Variants in TAMM41 observed in about 807,000 individuals in gnomAD.
TAMM41 encodes the protein TAM41 mitochondrial translocator assembly and maintenance homolog.
In TAMM41, 36 loss-of-function variants were observed where a neutral mutation model predicts 44.1. The observed-to-expected ratio is 0.82, with a 90% CI of 0.63 to 1.08. The LOEUF (loss-of-function observed/expected upper bound fraction) is 1.08, where lower values mean the gene tolerates loss of function less well. Among genes scored for constraint, TAMM41 ranks in the 50% least tolerant of loss-of-function variants. The pLI is 0.00. For synonymous variants in TAMM41, 164 were observed against 153.1 expected (o/e 1.07, Z -0.53); for missense variants, 417 against 404.3 (o/e 1.03, Z -0.27).
At chr3:11,730,428 A>G in the TAMM41 span, among the ~76,000 whole-genome samples, 7 of 149,914 alleles carry the variant, frequency 4.7e-5, no homozygotes, top group African/African-American at 7.4e-5. Flanking sequence ...AAAAAAAAAA[A>G]AAAAAGAAAA....
chr3:11,790,138 C>T (rs1383603965), downstream of TAMM41, among the ~76,000 whole-genome samples: 2 of 152,180 alleles, frequency 1.3e-5, no homozygotes, highest in South Asian at 2.1e-4. Context: ...AGAGACATAA[C>T]AAGCCAGGCA....
At chr3:11,769,208 G>C in the TAMM41 span, among the ~76,000 whole-genome samples, 1 of 152,194 alleles carries the variant, frequency 6.6e-6, no homozygotes, top group African/African-American at 2.4e-5. Flanking sequence ...TCCTGCGTCA[G>C]CCTCCTGAGT....
chr3:11,808,101 C>G lies in TAMM41; in HGVS notation c.875-206G>C, dbSNP rs948052251. The G allele has an allele frequency of 3.6e-6, 4 of 1,107,956 alleles. No individual in the cohort carries two copies. The Admixed American group carries it at 1.2e-4, about 34-fold the overall frequency. 68.6% of individuals were successfully genotyped at this position (1,107,956 alleles called of 1,614,324 possible). A position where few individuals can be genotyped will look rare whatever the true frequency, so the allele number is the denominator to read the frequency against. On this transcript the variant is annotated intron_variant, in intron 6 of 7. Coordinates refer to ENST00000455809, the MANE Select transcript of TAMM41 (RefSeq NM_001284401.2). ...CAGAGCAGCCAGCCGTGGCGCCACC[C>G]GGCTGTGTGAGTCCAAGCCGATGAC...
chr3:11,827,394 C>T (rs2078799673), intron 4 of TAMM41, among the ~76,000 whole-genome samples: 1 of 151,426 alleles, frequency 6.6e-6, no homozygotes, highest in African/African-American at 2.4e-5. Flanking sequence ...ACTGCAACCT[C>T]CACCTCGCCG....
At chr3:11,797,804 A>G (rs1200640388) in intron 7 of TAMM41, among the ~76,000 whole-genome samples, 1 of 152,210 alleles carries the variant, frequency 6.6e-6, no homozygotes, top group African/African-American at 2.4e-5. Flanking sequence ...ACAAGAAAAA[A>G]AACAAACAGC....
the TAMM41 span, among the ~76,000 whole-genome samples, chr3:11,750,078 A>C: frequency 0.33 from 49,451 of 150,624 alleles, 8,619 homozygotes; most frequent in African/African-American, 0.43. Flanking sequence ...TTGTATTTTT[A>C]GTAGAGATGG....
the TAMM41 span, among the ~76,000 whole-genome samples, chr3:11,783,792 A>G: frequency 6.6e-6 from 1 of 152,242 alleles, no homozygotes; most frequent in Admixed American, 6.5e-5. Context: ...CCGGATTCAG[A>G]CCATTCAAAC....
At chr3:11,812,568 A>G (rs2078122881) in intron 5 of TAMM41, among the ~76,000 whole-genome samples, 2 of 152,166 alleles carry the variant, frequency 1.3e-5, no homozygotes, top group Admixed American at 1.3e-4. Flanking sequence ...GTGGGTCTAG[A>G]GGTCCCAGTT....
At chr3:11,810,752 A>T (rs1157180720) in intron 5 of TAMM41, 2 of 152,196 alleles carry the variant, frequency 1.3e-5, no homozygotes, top group African/African-American at 4.8e-5. Flanking sequence ...TTTTAAATTG[A>T]ATAAATATTT....
At chr3:11,739,573 G>C in the TAMM41 span, among the ~76,000 whole-genome samples, 1 of 150,668 alleles carries the variant, frequency 6.6e-6, no homozygotes, top group Non-Finnish European at 1.5e-5. Flanking sequence ...TCGGGTGGCC[G>C]AGGAGGGAGA....
At chr3:11,807,281 G>C in intron 7 of TAMM41, 3 of 1,438,456 alleles carry the variant, frequency 2.1e-6, no homozygotes, top group East Asian at 2.5e-5. Flanking sequence ...AACTATATTA[G>C]GAGGACAGAG....
chr3:11,785,617 C>T (rs1297959485), downstream of TAMM41, among the ~76,000 whole-genome samples: 1 of 151,806 alleles, frequency 6.6e-6, no homozygotes, highest in Non-Finnish European at 1.5e-5. Flanking sequence ...AGCCACCGTG[C>T]CCAGCCTGTT....
intron 5 of TAMM41, among the ~76,000 whole-genome samples, chr3:11,815,631 T>A (rs984677141): frequency 2.6e-5 from 4 of 152,092 alleles, no homozygotes; most frequent in Non-Finnish European, 5.9e-5. Context: ...ATGTGAAGCA[T>A]GAGGGCGTGA....
the TAMM41 span, among the ~76,000 whole-genome samples, chr3:11,758,089 A>G: frequency 1.3e-5 from 2 of 152,146 alleles, no homozygotes; most frequent in Non-Finnish European, 2.9e-5. Flanking sequence ...GTTAAGTAGG[A>G]GTCAGTCGGG....
intron 7 of TAMM41, chr3:11,807,326 T>C: frequency 6.9e-7 from 1 of 1,452,564 alleles, no homozygotes. Flanking sequence ...TGAGGGTGGG[T>C]GCCAGAGTTG....
intron 7 of TAMM41, among the ~76,000 whole-genome samples, chr3:11,799,952 A>T (rs995849602): frequency 4.6e-5 from 7 of 152,216 alleles, no homozygotes; most frequent in African/African-American, 1.7e-4. Context: ...AAAGTGCTGA[A>T]GGAAAAAAAC....
At chr3:11,808,437 AAAC>A (rs199808566) in intron 6 of TAMM41, 358,746 of 987,550 alleles carry the variant, frequency 0.36, 68,069 homozygotes, top group Admixed American at 0.43. Context: ...CTGGTGACCT[AAAC>A]ACACACTCTG....
chr3:11,785,908 C>CG (rs1173169668), downstream of TAMM41, among the ~76,000 whole-genome samples: 2 of 152,102 alleles, frequency 1.3e-5, no homozygotes, highest in Non-Finnish European at 2.9e-5. Context: ...TGTTAGCCAC[C>CG]GTGCCTGGCC....
chr3:11,745,279 C>T, the TAMM41 span, among the ~76,000 whole-genome samples: 42 of 152,192 alleles, frequency 2.8e-4, no homozygotes, highest in East Asian at 2.1e-3. Flanking sequence ...TGCAGTGAGC[C>T]GTGATCGTGC....
Sources: allele counts gnomAD v4.1 joint callset (sites outside exome capture counted in the v4.1 genomes callset), GRCh38; gene constraint gnomAD v4.1.1; transcripts MANE v1.5; gene names NCBI Gene and HGNC (gene_info 2026-07-23, HGNC 2026-07-21).